The following PANX1 variants were observed in gnomAD, a reference collection of about 807,000 sequenced individuals.
The protein encoded by PANX1 is pannexin 1.
PANX1 carries 30 observed loss-of-function variants against 38.7 expected under a neutral mutation model. The observed-to-expected ratio is 0.78, with a 90% CI of 0.58 to 1.05. The LOEUF (loss-of-function observed/expected upper bound fraction) is 1.05. Ranked by LOEUF, PANX1 falls within the 50% of genes least tolerant of loss-of-function variation. The pLI is 0.00. For synonymous variants in PANX1, 230 were observed against 212.2 expected (o/e 1.08, Z -0.73); for missense variants, 551 against 517.2 (o/e 1.07, Z -0.63).
chr11:94,178,576 G>C lies in PANX1; in HGVS notation c.529G>C (p.Glu177Gln). ...AGCCTGCTCAGTTCCAGGTGTTACC[G>C]AGAACTTAGGGCAAAGGTAACTTAG... ...DGACSVPGVT[E>Q]NLGQSLWEVS... Residue 177 changes from glutamate to glutamine, a missense_variant, in exon 3 of 5, where the codon GAG (glutamate) becomes CAG (glutamine). Physicochemically the swap from Glu to Gln is conservative, Grantham distance 29. Coordinates refer to ENST00000227638, the MANE Select transcript of PANX1 (RefSeq NM_015368.4). 6.2e-7 allele frequency: 1 copy of C among 1,613,512 alleles called. No homozygotes were observed. The highest frequency in any genetic ancestry group is 8.5e-7 in the Non-Finnish European group (1 of 1,179,548).
chr11:94,138,716 C>CT (rs1946727989), intron 1 of PANX1, among the ~76,000 whole-genome samples: 1 of 152,188 alleles, frequency 6.6e-6, no homozygotes, highest in Admixed American at 6.5e-5. Flanking sequence ...TACAGTCACT[C>CT]TATTGTGCCA....
At chr11:94,133,522 G>A (rs1339947094) in intron 1 of PANX1, among the ~76,000 whole-genome samples, 1 of 152,094 alleles carries the variant, frequency 6.6e-6, no homozygotes, top group African/African-American at 2.4e-5. Flanking sequence ...CTTCTGAGTT[G>A]TGCCTGGGAG....
chr11:94,146,408 T>C (rs1946829088), intron 1 of PANX1, among the ~76,000 whole-genome samples: 1 of 152,234 alleles, frequency 6.6e-6, no homozygotes, highest in Admixed American at 6.5e-5. Context: ...GAAAGTGTGT[T>C]CTGGGACACA....
Position 94,153,553 on chromosome 11 carries a change from T to A in PANX1, c.244T>A (p.Ser82Thr). 6.2e-7 allele frequency: 1 copy of A among 1,614,108 alleles called. No individual in the cohort carries two copies. Among genetic ancestry groups the A allele is most frequent in the Non-Finnish European group, 8.5e-7 (1 of 1,179,984 alleles). ...FSWRQAAFVD[S>T]YCWAAVQQKN... The stretch of plus-strand genomic sequence containing the variant: ...CTGGCGTCAGGCTGCCTTTGTGGAT[T>A]CATATTGCTGGGCGGCTGTTCAGCA... The change falls in exon 2 of 5, where the codon TCA becomes ACA. Residue 82 changes from serine to threonine, a missense_variant. By Grantham distance (58) the Ser-to-Thr change is moderately conservative. Transcript: ENST00000227638.
intron 2 of PANX1, among the ~76,000 whole-genome samples, chr11:94,165,837 C>T (rs1947096928): frequency 6.6e-6 from 1 of 152,098 alleles, no homozygotes; most frequent in African/African-American, 2.4e-5. Flanking sequence ...TTGAACTTAC[C>T]AAGAGGCAGA....
chr11:94,170,422 A>G (rs966466080), intron 2 of PANX1, among the ~76,000 whole-genome samples: 1 of 151,764 alleles, frequency 6.6e-6, no homozygotes, highest in Non-Finnish European at 1.5e-5. Context: ...ATAACATCCC[A>G]TTGTAAATTT....
chr11:94,177,165 G>C (rs571916184), intron 2 of PANX1, among the ~76,000 whole-genome samples: 159 of 151,492 alleles, frequency 1.0e-3, no homozygotes, highest in Admixed American at 2.2e-3. Context: ...AGCCATTGCA[G>C]GTACCTGAGC....
At chr11:94,132,781 A>G (rs972162025) in intron 1 of PANX1, among the ~76,000 whole-genome samples, 2 of 152,192 alleles carry the variant, frequency 1.3e-5, no homozygotes, top group Non-Finnish European at 2.9e-5. Flanking sequence ...ATTTTCTGTC[A>G]ACTGTTGTTT....
chr11:94,140,500 G>T (rs1946749230), intron 1 of PANX1, among the ~76,000 whole-genome samples: 1 of 152,128 alleles, frequency 6.6e-6, no homozygotes, highest in South Asian at 2.1e-4. Context: ...TCATGTTAGT[G>T]CATGCAGATC....
rs755850483 is a variant in PANX1 at position 94,178,528 on chromosome 11, C to T, written c.481C>T (p.Arg161Cys). 34 of 1,613,944 alleles carry T rather than the reference C, an allele frequency of 2.1e-5. 1 individual carries two copies. Among genetic ancestry groups the T allele is most frequent in the South Asian group, 1.8e-4 (16 of 91,082 alleles). The change falls in exon 3 of 5, where the codon CGT becomes TGT. Residue 161 changes from arginine (R) to cysteine (C), a missense_variant. Physicochemically the swap from Arg to Cys is radical, Grantham distance 180. Transcript: ENST00000227638. ...TGCAATTAAGGCTGCAAAGAGTGCG[C>T]GTGACCTTGACATGAGAGATGGAGC... Reference protein sequence around the residue: ...NRAIKAAKSARDLDMRDGACS... With the variant: ...NRAIKAAKSACDLDMRDGACS...
chr11:94,159,237 G>C (rs1946991191), intron 2 of PANX1, among the ~76,000 whole-genome samples: 1 of 152,154 alleles, frequency 6.6e-6, no homozygotes, highest in Non-Finnish European at 1.5e-5. Flanking sequence ...TCTCTGCCAG[G>C]CTTTGGTATC....
At chr11:94,134,109 C>A (rs754301681) in intron 1 of PANX1, among the ~76,000 whole-genome samples, 2 of 152,180 alleles carry the variant, frequency 1.3e-5, no homozygotes, top group Non-Finnish European at 2.9e-5. Context: ...ATTGCGTGTG[C>A]CTCAGATTCT....
chr11:94,129,557 A>G, intron 1 of PANX1, 64 bp downstream of exon 1: 1 of 1,441,574 alleles, frequency 6.9e-7, no homozygotes, highest in East Asian at 2.4e-5. Flanking sequence ...CTGCGATTTT[A>G]CGGCTCACAG....
At position 94,180,201 on chromosome 11, in the gene PANX1, C is replaced by T; in HGVS notation, c.1145C>T (p.Thr382Ile). 1.2e-6 allele frequency: 2 copies of T among 1,613,686 alleles called. No homozygotes were observed. Among genetic ancestry groups the T allele is most frequent in the Non-Finnish European group, 1.7e-6 (2 of 1,179,776 alleles). The change falls in exon 4 of 5, where the codon ACT becomes ATT. Residue 382 changes from threonine (T) to isoleucine (I), a missense_variant. By Grantham distance (89) the Thr-to-Ile change is moderately conservative. Transcript: ENST00000227638. ...MIKMDVVDGK[T>I]PMSAEMREEQ... ...AAGATGGATGTTGTTGATGGCAAAA[C>T]TCCCATGTCTGCAGAGATGAGAGAG...
chr11:94,139,748 G>A (rs1320424592), intron 1 of PANX1, among the ~76,000 whole-genome samples: 1 of 152,180 alleles, frequency 6.6e-6, no homozygotes, highest in African/African-American at 2.4e-5. Flanking sequence ...GGGCATCCAC[G>A]TTACATCCAC....
In PANX1 at chr11:94,180,860, T is replaced by G. The variant is rs1014876945; in HGVS notation, c.1272T>G (p.Ser424=). The G allele has an allele frequency of 6.3e-7, 1 of 1,580,954 alleles. No homozygotes were observed. Residue 424 remains serine, a synonymous_variant, in exon 5 of 5, where the codon TCT becomes TCG. Coordinates refer to ENST00000227638, the MANE Select transcript of PANX1 (RefSeq NM_015368.4). ...EKNARQRLLD[S]SC ...ATGCCCGACAGAGACTTCTGGATTC[T>G]TCTTGCTGATGATTTTTTTCCTTGA... is the stretch of plus-strand genomic sequence containing the variant.
chr11:94,144,079 A>G (rs1946797305), intron 1 of PANX1, among the ~76,000 whole-genome samples: 1 of 151,662 alleles, frequency 6.6e-6, no homozygotes, highest in Non-Finnish European at 1.5e-5. Context: ...TTTCATGCAC[A>G]TTAGGCCTTT....
At chr11:94,155,381 G>T (rs952945606) in intron 2 of PANX1, among the ~76,000 whole-genome samples, 1 of 150,986 alleles carries the variant, frequency 6.6e-6, no homozygotes, top group Non-Finnish European at 1.5e-5. Context: ...AGGCATGCTG[G>T]TGCATGCCTG....
At position 94,129,130 on chromosome 11, in the gene PANX1, C is replaced by G; in HGVS notation, c.-183C>G. The G allele has an allele frequency of 2.1e-6, 1 of 468,718 alleles. No individual in the cohort carries two copies. Among genetic ancestry groups the G allele is most frequent in the South Asian group, 4.0e-5 (1 of 25,044 alleles). The allele number at this position is 468,718 out of a possible 1,614,324, so 29.0% of individuals were successfully genotyped here. ...CCGCCGGCGGCGGAGGCAGCGAGCG[C>G]GAGAGCCCAGCGGAGTCGCTGGGAG... is the stretch of plus-strand genomic sequence containing the variant. On this transcript the variant is annotated 5_prime_UTR_variant, in exon 1 of 5. Coordinates refer to ENST00000227638, the MANE Select transcript of PANX1 (RefSeq NM_015368.4).
Sources: gnomAD v4.1 joint callset for allele counts (sites outside exome capture counted in the v4.1 genomes callset) on GRCh38, gnomAD v4.1.1 for gene constraint, MANE v1.5 for transcripts, NCBI Gene and HGNC (gene_info 2026-07-23, HGNC 2026-07-21) for gene names.